The following RPAP2 variants were observed in gnomAD, a reference collection of about 807,000 sequenced individuals.
The protein encoded by RPAP2 is RNA polymerase II associated protein 2, also known as putative RNA polymerase II subunit B1 CTD phosphatase RPAP2.
Under a neutral mutation model 73.1 loss-of-function variants are expected in RPAP2, and 52 were observed. The ratio of observed to expected loss-of-function variants is 0.71; its 90% CI spans 0.57 to 0.90. RPAP2 has a LOEUF of 0.90. RPAP2 is among the 40% of genes least tolerant of loss of function. The pLI, the probability that RPAP2 is intolerant of heterozygous loss-of-function variation, is 0.00. For missense variants in RPAP2, 598 were observed against 701.8 expected (o/e 0.85, Z 1.67); for synonymous variants, 225 against 242.1 (o/e 0.93, Z 0.65).
intron 12 of RPAP2, among the ~76,000 whole-genome samples, chr1:92,385,639 T>G (rs1655834900): frequency 6.6e-6 from 1 of 152,222 alleles, no homozygotes; most frequent in Admixed American, 6.5e-5. Flanking sequence ...CTACCTAGTA[T>G]ATTAATATGC....
intron 11 of RPAP2, among the ~76,000 whole-genome samples, chr1:92,359,738 G>T (rs1431763492): frequency 1.3e-5 from 2 of 152,230 alleles, no homozygotes; most frequent in African/African-American, 4.8e-5. Context: ...AACTAGAGCT[G>T]AAGAATGGTG....
At chr1:92,381,498 C>T (rs1237439182) in intron 12 of RPAP2, among the ~76,000 whole-genome samples, 1 of 151,832 alleles carries the variant, frequency 6.6e-6, no homozygotes, top group Non-Finnish European at 1.5e-5. Flanking sequence ...CACACAATCC[C>T]AAAGTGCATG....
intron 5 of RPAP2, among the ~76,000 whole-genome samples, chr1:92,305,834 T>G (rs1651194465): frequency 6.6e-6 from 1 of 152,190 alleles, no homozygotes; most frequent in East Asian, 1.9e-4. Context: ...TTTTTGCAAC[T>G]AGTGGGAATG....
chr1:92,303,825 C>T, intron 3 of RPAP2, 152 bp from the exon 4 acceptor site: 1 of 474,082 alleles, frequency 2.1e-6, no homozygotes, highest in Non-Finnish European at 3.6e-6. Context: ...AGTGATTTTG[C>T]TTTATTTTCT....
chr1:92,364,333 G>C (rs1251368320), intron 11 of RPAP2, among the ~76,000 whole-genome samples: 1 of 152,124 alleles, frequency 6.6e-6, no homozygotes, highest in Non-Finnish European at 1.5e-5. Flanking sequence ...AAGAGGTTTG[G>C]AAGAGTACTA....
chr1:92,308,473 C>G (rs556188010), intron 6 of RPAP2, among the ~76,000 whole-genome samples: 2 of 152,156 alleles, frequency 1.3e-5, no homozygotes, highest in African/African-American at 2.4e-5. Context: ...GTTTTATTCC[C>G]CACTGAAACC....
chr1:92,356,300 A>C (rs1043486556), intron 11 of RPAP2, among the ~76,000 whole-genome samples: 2 of 151,980 alleles, frequency 1.3e-5, no homozygotes, highest in African/African-American at 4.8e-5. Context: ...TTATTCTGGG[A>C]ATAAGTATCA....
chr1:92,377,586 G>T (rs545194764), intron 11 of RPAP2, among the ~76,000 whole-genome samples: 25 of 151,776 alleles, frequency 1.6e-4, no homozygotes, highest in Admixed American at 1.2e-3. Context: ...TAGTTAGACT[G>T]GGGGGGAACA....
intron 11 of RPAP2, among the ~76,000 whole-genome samples, chr1:92,348,104 T>G (rs529674373): frequency 4.1e-4 from 62 of 152,294 alleles, no homozygotes; most frequent in Middle Eastern, 6.8e-3. Context: ...TTGGTCAGGC[T>G]GGTCTCGAAC....
At chr1:92,316,041 G>A (rs908653637) in intron 6 of RPAP2, among the ~76,000 whole-genome samples, 1 of 152,180 alleles carries the variant, frequency 6.6e-6, no homozygotes, top group African/African-American at 2.4e-5. Flanking sequence ...ATCCTGTTTG[G>A]CTAAATGTAG....
At position 92,394,806 on chromosome 1, in the gene RPAP2, CT is replaced by C. The variant is rs200306124; in HGVS notation, c.*7801del. On this transcript the variant is annotated 3_prime_UTR_variant, in exon 13 of 13. Coordinates refer to ENST00000610020, the MANE Select transcript of RPAP2 (RefSeq NM_024813.3). Reference sequence around the variant, plus strand: ...CAATCCCTATCAAAATCACAGCAGGCTTTTTTGAAAAATTGACAAGCCAATC... The same window carrying C: ...CAATCCCTATCAAAATCACAGCAGGCTTTTTGAAAAATTGACAAGCCAATC... 6.6e-6 allele frequency: 1 copy of C among 152,216 alleles called. No individual in the cohort carries two copies. Among genetic ancestry groups the C allele is most frequent in the South Asian group, 2.1e-4 (1 of 4,814 alleles). 9.4% of individuals were successfully genotyped at this position (152,216 alleles called of 1,614,324 possible).
At chr1:92,350,616 T>C (rs188484594) in intron 11 of RPAP2, among the ~76,000 whole-genome samples, 1 of 152,332 alleles carries the variant, frequency 6.6e-6, no homozygotes, top group Non-Finnish European at 1.5e-5. Context: ...TGCATGACTT[T>C]TAATAAAAAT....
In RPAP2 at chr1:92,388,756, C is replaced by T. The variant is rs1655949797; in HGVS notation, c.*1745C>T. ...TCAGTGGGTCCCACGCCCACAGAGCCTTGCTCACTGCTAGCGCCAGCAGTC... is the reference window on the plus strand; with the variant it reads ...TCAGTGGGTCCCACGCCCACAGAGCTTTGCTCACTGCTAGCGCCAGCAGTC... On this transcript the variant is annotated 3_prime_UTR_variant, in exon 13 of 13. Coordinates refer to ENST00000610020, the MANE Select transcript of RPAP2 (RefSeq NM_024813.3). 1 of 152,376 alleles carries T rather than the reference C, an allele frequency of 6.6e-6. No individual in the cohort carries two copies. Among genetic ancestry groups the T allele is most frequent in the African/African-American group, 2.4e-5 (1 of 41,478 alleles). The allele number at this position is 152,376 out of a possible 1,614,324, so 9.4% of individuals were successfully genotyped here.
chr1:92,377,292 G>A (rs972670418), intron 11 of RPAP2, among the ~76,000 whole-genome samples: 3 of 151,844 alleles, frequency 2.0e-5, no homozygotes. Flanking sequence ...AGGCCGAGGC[G>A]GGTGGATCAC....
At chr1:92,376,228 C>G (rs34912229) in intron 11 of RPAP2, among the ~76,000 whole-genome samples, 1 of 151,950 alleles carries the variant, frequency 6.6e-6, no homozygotes, top group Non-Finnish European at 1.5e-5. Flanking sequence ...TATCAAGGAC[C>G]TGGGCATCCT....
chr1:92,373,343 G>T (rs570045118), intron 11 of RPAP2, among the ~76,000 whole-genome samples: 13 of 152,208 alleles, frequency 8.5e-5, no homozygotes, highest in Non-Finnish European at 1.9e-4. Flanking sequence ...TTGAGATATG[G>T]TTAGCCAGTA....
chr1:92,330,439 A>ATTTTT (rs35101382), intron 8 of RPAP2, among the ~76,000 whole-genome samples: 6 of 61,460 alleles, frequency 9.8e-5, no homozygotes, highest in African/African-American at 3.5e-4. Flanking sequence ...TGGGTTGTCA[A>ATTTTT]TTTTTTTTTT....
At chr1:92,348,346 G>A (rs1431969385) in intron 11 of RPAP2, among the ~76,000 whole-genome samples, 1 of 152,158 alleles carries the variant, frequency 6.6e-6, no homozygotes, top group Non-Finnish European at 1.5e-5. Flanking sequence ...ATCTTCCCCA[G>A]TTAGGGGAAA....
rs1655926280 is a variant in RPAP2, at chr1:92,388,010, C to A, written c.*999C>A. 6.6e-6 allele frequency: 1 copy of A among 152,058 alleles called. No individual in the cohort carries two copies. Among genetic ancestry groups the A allele is most frequent in the African/African-American group, 2.4e-5 (1 of 41,384 alleles). 9.4% of individuals were successfully genotyped at this position (152,058 alleles called of 1,614,324 possible). Reference sequence around the variant, plus strand: ...GGGCCACTCTGACAATTTTTTTTAACCTCATTTGATTGTGTAAGGGTCTAA... The same window carrying A: ...GGGCCACTCTGACAATTTTTTTTAAACTCATTTGATTGTGTAAGGGTCTAA... On this transcript the variant is annotated 3_prime_UTR_variant, in exon 13 of 13. Coordinates refer to ENST00000610020, the MANE Select transcript of RPAP2 (RefSeq NM_024813.3).
Sources: allele counts gnomAD v4.1 joint callset (sites outside exome capture counted in the v4.1 genomes callset), GRCh38; gene constraint gnomAD v4.1.1; transcripts MANE v1.5; gene names NCBI Gene and HGNC (gene_info 2026-07-23, HGNC 2026-07-21).